Variants in ZNF470 observed in about 807,000 individuals in gnomAD.
The protein encoded by ZNF470 is zinc finger protein 470, also known as chondrogenesis zinc finger protein 1.
A neutral mutation model predicts 13.9 loss-of-function variants in ZNF470; 13 were observed. The observed-to-expected ratio is 0.94, with a 90% CI of 0.61 to 1.49. The LOEUF (loss-of-function observed/expected upper bound fraction) is 1.49. ZNF470 is among the 40% of genes most tolerant of loss of function. ZNF470 has a pLI of 0.00. For synonymous variants in ZNF470, 293 were observed against 282.9 expected (o/e 1.04, Z -0.36); for missense variants, 929 against 857.3 (o/e 1.08, Z -1.04).
In ZNF470 at chr19:56,581,894, T is replaced by C. The variant is rs995601565; in HGVS notation, c.*3311T>C. 6 of 985,340 alleles carry C rather than the reference T, an allele frequency of 6.1e-6. No individual in the cohort carries two copies. Among genetic ancestry groups the C allele is most frequent in the African/African-American group, 1.7e-5 (1 of 57,246 alleles). 61.0% of individuals were successfully genotyped at this position (985,340 alleles called of 1,614,324 possible). ...AACTCCCTAAAAGCTGATGCAGTTA[T>C]TCTTTTGATTGGTCCTTGGAACCAC... On this transcript the variant is annotated 3_prime_UTR_variant, in exon 6 of 6. Transcript: ENST00000330619.
rs565429207 is a variant in ZNF470, at chr19:56,573,323, A to T, written c.61-1071A>T. Among the ~76,000 whole-genome samples, 3 of 152,324 alleles carry T rather than the reference A, an allele frequency of 2.0e-5. No individual in the cohort carries two copies. In the South Asian group the frequency reaches 6.2e-4, roughly 32 times the overall value. On this transcript the variant is annotated intron_variant, in intron 3 of 5. Transcript: ENST00000330619. ...TTTAATTTTCACGGTGCTGCCATGA[A>T]GCAAGTACTATATTTCCATTTTTCA...
At chr19:56,572,389 T>A (rs12978959) in intron 3 of ZNF470, among the ~76,000 whole-genome samples, 1,721 of 36,676 alleles carry the variant, frequency 0.047, 7 homozygotes, top group Middle Eastern at 0.081. Context: ...TATATATATA[T>A]AAATTAGCCA....
In ZNF470 at chr19:56,574,620, A is replaced by G; in HGVS notation, c.188-18A>G. 1 of 1,612,050 alleles carries G rather than the reference A, an allele frequency of 6.2e-7. No individual in the cohort carries two copies. Among genetic ancestry groups the G allele is most frequent in the Non-Finnish European group, 8.5e-7 (1 of 1,179,284 alleles). ...TTTCCACAGCATAGGCAATTTTTAT[A>G]TGTCTTTTTACATGCAGGTCTTTGC... On this transcript the variant is annotated intron_variant, in intron 4 of 5. Coordinates refer to ENST00000330619, the MANE Select transcript of ZNF470 (RefSeq NM_001001668.4).
chr19:56,578,661 C>G lies in ZNF470; in HGVS notation c.*78C>G, dbSNP rs1243415733. On this transcript the variant is annotated 3_prime_UTR_variant, in exon 6 of 6. Coordinates refer to ENST00000330619, the MANE Select transcript of ZNF470 (RefSeq NM_001001668.4). ...CCCATCATCATAGTCCAAGACGCAA[C>G]CATCTCATCTGGATTTCTGCAGTAG... The G allele has an allele frequency of 2.2e-6, 3 of 1,356,484 alleles. No individual in the cohort carries two copies. The highest frequency in any genetic ancestry group is 2.9e-6 in the Non-Finnish European group (3 of 1,049,032). The allele number at this position is 1,356,484 out of a possible 1,614,324, so 84.0% of individuals were successfully genotyped here.
At position 56,582,631 on chromosome 19, in the gene ZNF470, G is replaced by A. The variant is rs2044543283; in HGVS notation, c.*4048G>A. On this transcript the variant is annotated 3_prime_UTR_variant, in exon 6 of 6. Transcript: ENST00000330619. ...CCAACATGACTGTATTTGGACATAA[G>A]GCCTTTAAGAAACTAAGGTTAAGTT... The A allele has an allele frequency of 1.0e-6, 1 of 957,538 alleles. No homozygotes were observed. Among genetic ancestry groups the A allele is most frequent in the Non-Finnish European group, 1.2e-6 (1 of 804,736 alleles). The allele number at this position is 957,538 out of a possible 1,614,324, so 59.3% of individuals were successfully genotyped here.
rs760297717 is a variant in ZNF470 at position 56,577,598 on chromosome 19, A to G, written c.1169A>G (p.Tyr390Cys). 6.8e-5 allele frequency: 109 copies of G among 1,613,914 alleles called. 2 individuals carry two copies. The South Asian group carries it at 1.1e-3, about 17-fold the overall frequency. Residue 390 changes from tyrosine (Y) to cysteine (C), a missense_variant, in exon 6 of 6, where the codon TAT (tyrosine) becomes TGT (cysteine). Transcript: ENST00000330619. ...NASLIRHRRYYHTGEKPFDCI... is the reference protein window; with the variant it reads ...NASLIRHRRYCHTGEKPFDCI... ...TCTCTTATACGTCATCGGCGATATT[A>G]TCATACTGGAGAGAAACCCTTTGAC...
rs1318235924 is a variant in ZNF470 at position 56,581,870 on chromosome 19, A to G, written c.*3287A>G. 2 of 984,824 alleles carry G rather than the reference A, an allele frequency of 2.0e-6. No individual in the cohort carries two copies. The highest frequency in any genetic ancestry group is 1.1e-4 in the East Asian group (1 of 8,800). 61.0% of individuals were successfully genotyped at this position (984,824 alleles called of 1,614,324 possible). On this transcript the variant is annotated 3_prime_UTR_variant, in exon 6 of 6. Coordinates refer to ENST00000330619, the MANE Select transcript of ZNF470 (RefSeq NM_001001668.4). ...TTTGGATCTGTGTCATCCAATGGCA[A>G]CTCCCTAAAAGCTGATGCAGTTATT...
Position 56,578,992 on chromosome 19 carries a change from G to T in ZNF470, c.*409G>T, listed in dbSNP as rs924893109. ...AGAAGACTACTCTCCTGGTAGAGAG[G>T]AAAGATGAACAAACTCAGAATTGAA... On this transcript the variant is annotated 3_prime_UTR_variant, in exon 6 of 6. Coordinates refer to ENST00000330619, the MANE Select transcript of ZNF470 (RefSeq NM_001001668.4). The T allele has an allele frequency of 9.1e-6, 9 of 990,594 alleles. No homozygotes were observed. The highest frequency in any genetic ancestry group is 6.1e-5 in the Admixed American group (1 of 16,490). The allele number at this position is 990,594 out of a possible 1,614,324, so 61.4% of individuals were successfully genotyped here.
intron 5 of ZNF470, among the ~76,000 whole-genome samples, chr19:56,575,879 A>G (rs569256373): frequency 3.1e-4 from 47 of 152,292 alleles, no homozygotes; most frequent in African/African-American, 1.0e-3. Flanking sequence ...CTGATTCACA[A>G]TATTAGAAAA....
chr19:56,574,505 A>G lies in ZNF470; in HGVS notation c.172A>G (p.Asn58Asp). The G allele has an allele frequency of 6.2e-7, 1 of 1,613,876 alleles. No individual in the cohort carries two copies. The highest frequency in any genetic ancestry group is 1.1e-5 in the South Asian group (1 of 91,074). Residue 58 changes from asparagine (N) to aspartate (D), a missense_variant, in exon 4 of 6, where the codon AAC (asparagine) becomes GAC (aspartate). Coordinates refer to ENST00000330619, the MANE Select transcript of ZNF470 (RefSeq NM_001001668.4). ...GAAGGTGATGTTAGAAAACTACAGG[A>G]ACCTAGTTTCAGTGGGTAAGAGTAT... ...YKKVMLENYR[N>D]LVSVGLCISK...
At position 56,581,256 on chromosome 19, in the gene ZNF470, T is replaced by C. The variant is rs1170160153; in HGVS notation, c.*2673T>C. The C allele has an allele frequency of 6.5e-6, 4 of 618,006 alleles. No individual in the cohort carries two copies. Among genetic ancestry groups the C allele is most frequent in the African/African-American group, 2.0e-5 (1 of 49,734 alleles). 38.3% of individuals were successfully genotyped at this position (618,006 alleles called of 1,614,324 possible). A position where few individuals can be genotyped will look rare whatever the true frequency, so the allele number is the denominator to read the frequency against. On this transcript the variant is annotated 3_prime_UTR_variant, in exon 6 of 6. Coordinates refer to ENST00000330619, the MANE Select transcript of ZNF470 (RefSeq NM_001001668.4). ...AGCAGTTAATGAAAATTATCCAATA[T>C]CACTAGAAATCAAGAAATGCAAATT...
chr19:56,572,278 T>A (rs910232941), intron 3 of ZNF470, among the ~76,000 whole-genome samples: 1 of 112,896 alleles, frequency 8.9e-6, no homozygotes, highest in African/African-American at 3.8e-5. Flanking sequence ...CTGAGGCGGG[T>A]GGATTACCTG....
Position 56,580,193 on chromosome 19 carries a change from G to C in ZNF470, c.*1610G>C, listed in dbSNP as rs985440739. The C allele has an allele frequency of 8.7e-5, 43 of 496,500 alleles. No homozygotes were observed. The East Asian group carries it at 3.2e-3, about 37-fold the overall frequency. The allele number at this position is 496,500 out of a possible 1,614,324, so 30.8% of individuals were successfully genotyped here. A position where few individuals can be genotyped will look rare whatever the true frequency, so the allele number is the denominator to read the frequency against. On this transcript the variant is annotated 3_prime_UTR_variant, in exon 6 of 6. Coordinates refer to ENST00000330619, the MANE Select transcript of ZNF470 (RefSeq NM_001001668.4). ...GATGAGGGAAGAACTAGAGGTAACT[G>C]TGAGACACAAAAGGCATAATGAAAA...
intron 3 of ZNF470, chr19:56,574,002 C>T (rs2044472135): frequency 8.2e-6 from 8 of 975,806 alleles, no homozygotes; most frequent in Admixed American, 6.2e-5. Context: ...TCCTTCCTTG[C>T]AAGTTTTTCT....
Position 56,572,079 on chromosome 19 carries a change from T to A in ZNF470, c.60+1708T>A, listed in dbSNP as rs79635634. On this transcript the variant is annotated intron_variant, in intron 3 of 5. Transcript: ENST00000330619. ...CATGTCAGTTGCCAGAGGAAAATAT[T>A]TTAAGAGTGGCAGAATTTGTCATAA... Among the ~76,000 whole-genome samples, 649 of 151,634 alleles carry A rather than the reference T, an allele frequency of 4.3e-3. 19 individuals are homozygous for A. In the South Asian group the frequency reaches 0.07, roughly 16 times the overall value.
Position 56,574,727 on chromosome 19 carries a change from T to G in ZNF470, c.277T>G (p.Cys93Gly), listed in dbSNP as rs776314319. 1.4e-5 allele frequency: 23 copies of G among 1,613,146 alleles called. No individual in the cohort carries two copies. Among genetic ancestry groups the G allele is most frequent in the Non-Finnish European group, 1.9e-5 (22 of 1,179,530 alleles). The change falls in exon 5 of 6, where the codon TGC becomes GGC. Residue 93 changes from cysteine to glycine, a missense_variant. Transcript: ENST00000330619. Reference protein sequence around the residue: ...VIKGGMNRGLCPDLECVWVTK... With the variant: ...VIKGGMNRGLGPDLECVWVTK... Reference sequence around the variant, plus strand: ...AAAAGGAGGGATGAACAGAGGCCTGTGCCCAGGTAAGTGGAGGATACCTAG... The same window carrying G: ...AAAAGGAGGGATGAACAGAGGCCTGGGCCCAGGTAAGTGGAGGATACCTAG...
intron 3 of ZNF470, 25 bp downstream of exon 3, chr19:56,570,396 C>G (rs776362552): frequency 6.2e-7 from 1 of 1,611,000 alleles, no homozygotes; most frequent in Middle Eastern, 1.7e-4. Flanking sequence ...CCCCTCTCCC[C>G]ACTAAAATAG....
Position 56,577,881 on chromosome 19 carries a change from A to C in ZNF470, c.1452A>C (p.Lys484Asn). 1 of 1,613,278 alleles carries C rather than the reference A, an allele frequency of 6.2e-7. No homozygotes were observed. Among genetic ancestry groups the C allele is most frequent in the Non-Finnish European group, 8.5e-7 (1 of 1,179,712 alleles). The change falls in exon 6 of 6, where the codon AAA becomes AAC. Residue 484 changes from lysine (K) to asparagine (N), a missense_variant. Physicochemically the swap from Lys to Asn is moderately conservative, Grantham distance 94. Coordinates refer to ENST00000330619, the MANE Select transcript of ZNF470 (RefSeq NM_001001668.4). Reference sequence around the variant, plus strand: ...CTGGAGAGAAACCCTATGAATGTAAAGAATGTGGGAAAGCTTTCCGGCAGA... The same window carrying C: ...CTGGAGAGAAACCCTATGAATGTAACGAATGTGGGAAAGCTTTCCGGCAGA... ...VHTGEKPYECKECGKAFRQST... is the reference protein window; with the variant it reads ...VHTGEKPYECNECGKAFRQST...
Position 56,581,667 on chromosome 19 carries a change from C to T in ZNF470, c.*3084C>T. The T allele has an allele frequency of 1.0e-6, 1 of 973,434 alleles. No individual in the cohort carries two copies. Among genetic ancestry groups the T allele is most frequent in the African/African-American group, 1.8e-5 (1 of 57,078 alleles). 60.3% of individuals were successfully genotyped at this position (973,434 alleles called of 1,614,324 possible). ...TAGTATAGGCCCATAATTGTGATATCAAAAATAAAAATCAAAATATATATT... is the reference window on the plus strand; with the variant it reads ...TAGTATAGGCCCATAATTGTGATATTAAAAATAAAAATCAAAATATATATT... On this transcript the variant is annotated 3_prime_UTR_variant, in exon 6 of 6. Transcript: ENST00000330619.
Sources: gnomAD v4.1 joint callset for allele counts (sites outside exome capture counted in the v4.1 genomes callset) on GRCh38, gnomAD v4.1.1 for gene constraint, MANE v1.5 for transcripts, NCBI Gene and HGNC (gene_info 2026-07-23, HGNC 2026-07-21) for gene names.